CCSER1: variants seen among roughly 807,000 people sequenced by gnomAD.
CCSER1 encodes the protein coiled-coil serine rich protein 1.
A neutral mutation model predicts 82.0 loss-of-function variants in CCSER1; 41 were observed. The ratio of observed to expected loss-of-function variants is 0.50; its 90% CI spans 0.39 to 0.65. The LOEUF is 0.65. CCSER1 is among the 30% of genes least tolerant of loss of function. The pLI is 0.00. For synonymous variants in CCSER1, 414 were observed against 383.9 expected (o/e 1.08, Z -0.92); for missense variants, 1,119 against 1,064.2 (o/e 1.05, Z -0.72).
intron 9 of CCSER1, among the ~76,000 whole-genome samples, chr4:91,024,557 T>A (rs2150536542): frequency 6.6e-6 from 1 of 152,182 alleles, no homozygotes; most frequent in Non-Finnish European, 1.5e-5. Context: ...AATCCTTCAT[T>A]AACTGGTGCC....
intron 9 of CCSER1, among the ~76,000 whole-genome samples, chr4:91,049,953 C>A (rs1218991720): frequency 6.6e-6 from 1 of 152,096 alleles, no homozygotes; most frequent in Non-Finnish European, 1.5e-5. Flanking sequence ...GTTCCTTGAC[C>A]CTAATCAGAA....
At chr4:91,081,907 CAAAAG>C (rs1197910484) in intron 9 of CCSER1, among the ~76,000 whole-genome samples, 3 of 151,654 alleles carry the variant, frequency 2.0e-5, no homozygotes, top group East Asian at 1.9e-4. Flanking sequence ...CTCAATGAAA[CAAAAG>C]AGAATACAAA....
At position 90,442,456 on chromosome 4, in the gene CCSER1, A is replaced by C. The variant is rs528767287; in HGVS notation, c.1604-25778A>C. Among the ~76,000 whole-genome samples the C allele has an allele frequency of 5.3e-5, 8 of 152,002 alleles. No individual in the cohort carries two copies. The South Asian group carries it at 1.7e-3, about 32-fold the overall frequency. ...AACTTACGGCAACAGGGAAAACTCT[A>C]GTTCCACAGAGTTTTCAGAGTGCCT... On this transcript the variant is annotated intron_variant, in intron 4 of 10. Transcript: ENST00000509176.
chr4:90,153,971 G>T (rs570062040), intron 1 of CCSER1, among the ~76,000 whole-genome samples: 2 of 152,254 alleles, frequency 1.3e-5, no homozygotes, highest in Admixed American at 6.5e-5. Context: ...GTCCTGAATG[G>T]TACTGCCTAG....
intron 10 of CCSER1, among the ~76,000 whole-genome samples, chr4:91,265,065 T>A (rs78253760): frequency 1.3e-5 from 2 of 152,006 alleles, no homozygotes; most frequent in East Asian, 3.9e-4. Context: ...GAAAGAAATA[T>A]CTGAAGTAAC....
At chr4:91,108,253 C>T (rs1021532360) in intron 10 of CCSER1, among the ~76,000 whole-genome samples, 1 of 152,070 alleles carries the variant, frequency 6.6e-6, no homozygotes, top group Non-Finnish European at 1.5e-5. Flanking sequence ...CTTTTGTAAG[C>T]TATAGAGACA....
At chr4:90,191,594 T>A (rs1003410824) in intron 1 of CCSER1, among the ~76,000 whole-genome samples, 6 of 151,888 alleles carry the variant, frequency 4.0e-5, no homozygotes, top group Non-Finnish European at 7.4e-5. Context: ...TATGCAGGGG[T>A]CCCTGCAGCA....
chr4:91,352,279 C>T (rs984275564), intron 10 of CCSER1, among the ~76,000 whole-genome samples: 1 of 152,144 alleles, frequency 6.6e-6, no homozygotes, highest in Non-Finnish European at 1.5e-5. Flanking sequence ...GAAACAGGGT[C>T]TCACTCTGTC....
chr4:91,420,907 A>C lies in CCSER1; in HGVS notation c.2218-177665A>C, dbSNP rs571871514. ...AAGGGAAATCCTGCCATTTGTGACA[A>C]CATGGATAAACCTGGAGGGTATTAT... On this transcript the variant is annotated intron_variant, in intron 10 of 10. Coordinates refer to ENST00000509176, the MANE Select transcript of CCSER1 (RefSeq NM_001145065.2). Among the ~76,000 whole-genome samples, 136 of 152,310 alleles carry C rather than the reference A, an allele frequency of 8.9e-4. 1 individual carries two copies. Among genetic ancestry groups the C allele is most frequent in the African/African-American group, 3.1e-3 (128 of 41,540 alleles).
At chr4:90,810,926 G>A (rs1034276523) in intron 7 of CCSER1, among the ~76,000 whole-genome samples, 3 of 141,768 alleles carry the variant, frequency 2.1e-5, no homozygotes, top group African/African-American at 5.3e-5. Context: ...CCCGCCTCCC[G>A]GGTTCACGCC....
intron 7 of CCSER1, among the ~76,000 whole-genome samples, chr4:90,737,529 T>C (rs909652917): frequency 6.6e-6 from 1 of 152,178 alleles, no homozygotes; most frequent in Admixed American, 6.5e-5. Flanking sequence ...TTCTTGCTGC[T>C]TTTTAGGATC....
chr4:90,891,403 ATTT>A (rs966970117), intron 8 of CCSER1, among the ~76,000 whole-genome samples: 2 of 151,466 alleles, frequency 1.3e-5, no homozygotes, highest in African/African-American at 4.8e-5. Context: ...TAAAAATACT[ATTT>A]TTATAGTACT....
intron 7 of CCSER1, among the ~76,000 whole-genome samples, chr4:90,779,288 CT>C (rs1753415469): frequency 6.6e-6 from 1 of 152,014 alleles, no homozygotes; most frequent in Admixed American, 6.6e-5. Flanking sequence ...TTTTCTTCCT[CT>C]TTTTCTGTGG....
chr4:90,343,133 A>T (rs1169354293), intron 3 of CCSER1, among the ~76,000 whole-genome samples: 3 of 152,154 alleles, frequency 2.0e-5, no homozygotes, highest in Non-Finnish European at 4.4e-5. Context: ...ATATGTTCAA[A>T]ATAAACTATC....
At chr4:91,270,089 G>A (rs1741904955) in intron 10 of CCSER1, among the ~76,000 whole-genome samples, 1 of 152,020 alleles carries the variant, frequency 6.6e-6, no homozygotes, top group Admixed American at 6.6e-5. Flanking sequence ...TGTAGCTAAG[G>A]GTGCTTTTTG....
At chr4:91,298,684 T>C (rs1259873221) in intron 10 of CCSER1, among the ~76,000 whole-genome samples, 1 of 152,020 alleles carries the variant, frequency 6.6e-6, no homozygotes, top group African/African-American at 2.4e-5. Context: ...CAGTTTTAAG[T>C]TAAACTTTGG....
intron 10 of CCSER1, among the ~76,000 whole-genome samples, chr4:91,386,486 G>A (rs1208737440): frequency 1.3e-5 from 2 of 152,034 alleles, no homozygotes; most frequent in African/African-American, 2.4e-5. Flanking sequence ...ATTGATAAAT[G>A]TGTAGATGGT....
chr4:90,684,695 T>C (rs982941736), intron 6 of CCSER1, among the ~76,000 whole-genome samples: 1 of 152,194 alleles, frequency 6.6e-6, no homozygotes, highest in Non-Finnish European at 1.5e-5. Context: ...CACCTAAATC[T>C]CACCTTGAAT....
intron 5 of CCSER1, among the ~76,000 whole-genome samples, chr4:90,603,217 G>A (rs540088070): frequency 3.9e-5 from 6 of 152,336 alleles, no homozygotes; most frequent in Admixed American, 3.9e-4. Context: ...GCTAGCAAAT[G>A]TTAGGCCCAT....
Sources: gnomAD v4.1 joint callset for allele counts (sites outside exome capture counted in the v4.1 genomes callset) on GRCh38, gnomAD v4.1.1 for gene constraint, MANE v1.5 for transcripts, NCBI Gene and HGNC (gene_info 2026-07-23, HGNC 2026-07-21) for gene names.